The following PTPRG variants were observed in gnomAD, a reference collection of about 807,000 sequenced individuals.
PTPRG encodes protein tyrosine phosphatase receptor type G.
A neutral mutation model predicts 165.3 loss-of-function variants in PTPRG; 102 were observed. The observed-to-expected ratio is 0.62, with a 90% confidence interval of 0.53 to 0.73. The LOEUF is 0.73. PTPRG is among the 30% of genes least tolerant of loss of function. The probability of loss-of-function intolerance (pLI) is 0.00; values close to 1 mark genes in which losing one functional copy is unlikely to be tolerated. For missense variants in PTPRG, 1,866 were observed against 1,861.4 expected (o/e 1.00, Z -0.05); for synonymous variants, 675 against 669.5 (o/e 1.01, Z -0.13).
chr3:61,691,474 A>T (rs1198626979), intron 1 of PTPRG, among the ~76,000 whole-genome samples: 1 of 152,234 alleles, frequency 6.6e-6, no homozygotes, highest in Non-Finnish European at 1.5e-5. Flanking sequence ...TGCTTCATAT[A>T]TATGAGGATC....
At chr3:61,872,514 A>G (rs1191702206) in intron 2 of PTPRG, among the ~76,000 whole-genome samples, 2 of 152,326 alleles carry the variant, frequency 1.3e-5, no homozygotes, top group Non-Finnish European at 2.9e-5. Context: ...AGTGGGAATC[A>G]TAACTCTGAG....
At chr3:61,687,363 T>C (rs1297972360) in intron 1 of PTPRG, among the ~76,000 whole-genome samples, 1 of 152,110 alleles carries the variant, frequency 6.6e-6, no homozygotes, top group Non-Finnish European at 1.5e-5. Flanking sequence ...CTGTTCAGGG[T>C]AATAGCCAGC....
intron 4 of PTPRG, among the ~76,000 whole-genome samples, chr3:62,041,102 G>T (rs1412349424): frequency 6.6e-6 from 1 of 152,130 alleles, no homozygotes; most frequent in Non-Finnish European, 1.5e-5. Flanking sequence ...TGATGCTTGT[G>T]GTGGTTGTGA....
At chr3:61,833,860 C>T (rs2107303537) in intron 2 of PTPRG, among the ~76,000 whole-genome samples, 1 of 152,208 alleles carries the variant, frequency 6.6e-6, no homozygotes, top group East Asian at 1.9e-4. Context: ...CCACCGCGCC[C>T]AGCCGTGTTG....
In PTPRG at chr3:62,219,132, T is replaced by TAA; in HGVS notation, c.2288+149_2288+150insAA. 9.1e-7 allele frequency: 1 copy of TAA among 1,095,942 alleles called. No homozygotes were observed. The highest frequency in any genetic ancestry group is 1.3e-6 in the Non-Finnish European group (1 of 769,082). The allele number at this position is 1,095,942 out of a possible 1,614,324, so 67.9% of individuals were successfully genotyped here. Reference sequence around the variant, plus strand: ...TTGCCACCCGGAAGGCCATCTTGTCTCTGTTAGATGATGGCAGGGCCAGAT... The same window carrying TAA: ...TTGCCACCCGGAAGGCCATCTTGTCTAACTGTTAGATGATGGCAGGGCCAGAT... On this transcript the variant is annotated intron_variant, in intron 13 of 29. Transcript: ENST00000474889. The surrounding 1 kb of genome is among the most constrained non-coding windows in gnomAD (Gnocchi z 4.5).
At chr3:61,658,866 G>A (rs1702584453) in intron 1 of PTPRG, among the ~76,000 whole-genome samples, 3 of 152,184 alleles carry the variant, frequency 2.0e-5, no homozygotes, top group Non-Finnish European at 4.4e-5. Flanking sequence ...TTATACGCCT[G>A]TAAAAATTTG....
intron 2 of PTPRG, among the ~76,000 whole-genome samples, chr3:61,943,737 C>T (rs1217301673): frequency 1.3e-5 from 2 of 152,144 alleles, no homozygotes; most frequent in African/African-American, 4.8e-5. Flanking sequence ...TCATGGGGTA[C>T]GTCAAAATTT....
intron 1 of PTPRG, among the ~76,000 whole-genome samples, chr3:61,583,533 C>T (rs1261961559): frequency 6.6e-6 from 1 of 152,114 alleles, no homozygotes; most frequent in Non-Finnish European, 1.5e-5. Flanking sequence ...ATTATTTTTG[C>T]CTGCCTAGCA....
intron 2 of PTPRG, among the ~76,000 whole-genome samples, chr3:61,773,369 C>T (rs752266766): frequency 6.6e-6 from 1 of 152,160 alleles, no homozygotes; most frequent in South Asian, 2.1e-4. Context: ...AAACGCCTAA[C>T]TACAGACCAT....
chr3:62,080,685 G>A (rs6764654), intron 5 of PTPRG, among the ~76,000 whole-genome samples: 32,007 of 151,948 alleles, frequency 0.21, 6,240 homozygotes, highest in African/African-American at 0.52. Context: ...ACTAGTTTAT[G>A]GCATGCTCTA....
intron 2 of PTPRG, among the ~76,000 whole-genome samples, chr3:61,906,535 C>T (rs997793659): frequency 7.5e-4 from 114 of 151,946 alleles, no homozygotes; most frequent in African/African-American, 2.7e-3. Flanking sequence ...TTTGTGAGGT[C>T]GAGGTAGGAG....
intron 2 of PTPRG, among the ~76,000 whole-genome samples, chr3:61,817,042 TATA>T (rs896904408): frequency 1.5e-4 from 20 of 131,924 alleles, no homozygotes; most frequent in Admixed American, 4.5e-4. Context: ...GTATATAATA[TATA>T]ATATTATATA....
chr3:61,766,242 T>C (rs1406116236), intron 2 of PTPRG, among the ~76,000 whole-genome samples: 1 of 152,210 alleles, frequency 6.6e-6, no homozygotes, highest in African/African-American at 2.4e-5. Context: ...TTCATTCCTA[T>C]ACAGTTTCGA....
intron 1 of PTPRG, among the ~76,000 whole-genome samples, chr3:61,576,827 T>C (rs1700183066): frequency 6.6e-6 from 1 of 152,238 alleles, no homozygotes; most frequent in Non-Finnish European, 1.5e-5. Context: ...AGTCTCTTGA[T>C]GGTGGTTACA....
chr3:61,709,800 G>A (rs1288569965), intron 1 of PTPRG, among the ~76,000 whole-genome samples: 1 of 152,098 alleles, frequency 6.6e-6, no homozygotes, highest in African/African-American at 2.4e-5. Context: ...CACTGTGCCA[G>A]TGGTTCTCAA....
rs555757459 is a variant in PTPRG at position 62,033,725 on chromosome 3, C to T, written c.519+30228C>T. 4.6e-4 allele frequency among the ~76,000 whole-genome samples: 70 copies of T among 152,068 alleles called. 1 individual carries two copies. The highest frequency in any genetic ancestry group is 1.6e-3 in the African/African-American group (65 of 41,496). ...AGGGAGAGAGTTTAGTAACAACTAC[C>T]ATGACTACTCTTTTGAGGTTTCCAG... On this transcript the variant is annotated intron_variant, in intron 4 of 29. Transcript: ENST00000474889.
chr3:62,023,356 A>C (rs1477323595), intron 4 of PTPRG, among the ~76,000 whole-genome samples: 1 of 152,190 alleles, frequency 6.6e-6, no homozygotes, highest in Non-Finnish European at 1.5e-5. Context: ...TCAACTCTTC[A>C]TTAGCAGTGT....
chr3:61,790,524 G>A (rs1022233607), intron 2 of PTPRG, among the ~76,000 whole-genome samples: 8 of 152,192 alleles, frequency 5.3e-5, no homozygotes, highest in African/African-American at 1.9e-4. Context: ...AAGAACCATG[G>A]AAAGCAGAGT....
In PTPRG at chr3:62,293,122, C is replaced by G. The variant is rs756651779; in HGVS notation, c.4192-39C>G. 3.4e-6 allele frequency: 5 copies of G among 1,490,246 alleles called. No individual in the cohort carries two copies. In the African/African-American group the frequency reaches 5.7e-5, roughly 17 times the overall value. The allele number at this position is 1,490,246 out of a possible 1,614,324, so 92.3% of individuals were successfully genotyped here. A position where few individuals can be genotyped will look rare whatever the true frequency, so the allele number is the denominator to read the frequency against. On this transcript the variant is annotated intron_variant, in intron 29 of 29. Coordinates refer to ENST00000474889, the MANE Select transcript of PTPRG (RefSeq NM_002841.4). ...TTCCACCTTATGTGAAATCACTAAA[C>G]TGTTCTTTGGCTCAAACTGTCTTCC...
Sources: gnomAD v4.1 joint callset for allele counts (sites outside exome capture counted in the v4.1 genomes callset) on GRCh38, gnomAD v4.1.1 for gene constraint, Gnocchi (gnomAD v3.1) non-coding constraint, MANE v1.5 for transcripts, NCBI Gene and HGNC (gene_info 2026-07-23, HGNC 2026-07-21) for gene names.